The following PATJ variants were observed in gnomAD, a reference collection of about 807,000 sequenced individuals.
The protein encoded by PATJ is PATJ crumbs cell polarity complex component, also known as inaD-like protein.
Under a neutral mutation model 224.9 loss-of-function variants are expected in PATJ, and 190 were observed. The observed-to-expected ratio is 0.84, with a 90% CI of 0.75 to 0.95. The LOEUF is 0.95. Among genes scored for constraint, PATJ ranks in the 40% least tolerant of loss-of-function variants. The probability of loss-of-function intolerance (pLI) is 0.00; values close to 1 mark genes in which losing one functional copy is unlikely to be tolerated. For missense variants in PATJ, 2,121 were observed against 2,270.3 expected (o/e 0.93, Z 1.34); for synonymous variants, 769 against 820.3 (o/e 0.94, Z 1.07).
intron 17 of PATJ, among the ~76,000 whole-genome samples, chr1:61,836,175 A>G (rs1246015118): frequency 6.6e-6 from 1 of 152,198 alleles, no homozygotes; most frequent in Admixed American, 6.5e-5. Context: ...ATCTATAGTC[A>G]GTTCTAAATG....
intron 33 of PATJ, among the ~76,000 whole-genome samples, chr1:62,091,757 T>TA (rs951033849): frequency 2.7e-5 from 4 of 150,132 alleles, no homozygotes; most frequent in Non-Finnish European, 4.4e-5. Flanking sequence ...TCTCTTATTT[T>TA]AAAAAAAAAT....
At chr1:61,924,413 C>A (rs1300250655) in intron 26 of PATJ, among the ~76,000 whole-genome samples, 1 of 152,106 alleles carries the variant, frequency 6.6e-6, no homozygotes, top group Non-Finnish European at 1.5e-5. Context: ...TTCCTAAAAA[C>A]TCTTGGCTAT....
Position 61,775,347 on chromosome 1 carries a change from T to G in PATJ, c.849+13T>G. ...ATTAGCAGATCGAGTAAGTCAACCT[T>G]CCTTGTTATCATTTTGGTTTTATAA... On this transcript the variant is annotated intron_variant, in intron 7 of 43. Transcript: ENST00000642238. 4 of 1,594,544 alleles carry G rather than the reference T, an allele frequency of 2.5e-6. No individual in the cohort carries two copies. Among genetic ancestry groups the G allele is most frequent in the Non-Finnish European group, 3.4e-6 (4 of 1,174,268 alleles).
At chr1:61,755,795 A>G (rs1202631604) in intron 1 of PATJ, among the ~76,000 whole-genome samples, 2 of 152,144 alleles carry the variant, frequency 1.3e-5, no homozygotes, top group African/African-American at 4.8e-5. Context: ...ATACAAAATA[A>G]GGCCACGTGT....
At chr1:62,027,048 ACCATCATCACCAT>A (rs1394324165) in intron 29 of PATJ, among the ~76,000 whole-genome samples, 1 of 152,202 alleles carries the variant, frequency 6.6e-6, no homozygotes, top group Non-Finnish European at 1.5e-5. Flanking sequence ...CTGTTGGGCA[ACCATCATCACCAT>A]CCATCTCCAG....
chr1:62,052,657 G>T (rs12750860), intron 31 of PATJ, among the ~76,000 whole-genome samples: 1 of 151,492 alleles, frequency 6.6e-6, no homozygotes, highest in East Asian at 1.9e-4. Context: ...CAGGAGAATC[G>T]CTTGAACCCA....
At chr1:62,103,475 G>A (rs926733943) in intron 33 of PATJ, among the ~76,000 whole-genome samples, 2 of 152,192 alleles carry the variant, frequency 1.3e-5, no homozygotes, top group African/African-American at 2.4e-5. Context: ...TTACCTGGCC[G>A]GGTGCAATGG....
intron 17 of PATJ, among the ~76,000 whole-genome samples, chr1:61,845,824 C>CTGCTCAGGGAGAA (rs1661853909): frequency 1.3e-5 from 2 of 152,332 alleles, no homozygotes; most frequent in East Asian, 3.9e-4. Context: ...CTTACAGTGT[C>CTGCTCAGGGAGAA]TGCTCAGGGA....
intron 27 of PATJ, among the ~76,000 whole-genome samples, chr1:61,938,428 G>A (rs892725316): frequency 6.6e-6 from 1 of 152,076 alleles, no homozygotes; most frequent in Non-Finnish European, 1.5e-5. Context: ...TATCTATCTG[G>A]TATTATGCTT....
At chr1:62,103,744 ACT>A (rs1193800237) in intron 33 of PATJ, among the ~76,000 whole-genome samples, 2 of 142,740 alleles carry the variant, frequency 1.4e-5, no homozygotes, top group Non-Finnish European at 1.5e-5. Flanking sequence ...AAAGAGTAAG[ACT>A]CTGTCTCAAC....
At chr1:61,798,098 G>A (rs531666323) in intron 11 of PATJ, among the ~76,000 whole-genome samples, 5 of 152,278 alleles carry the variant, frequency 3.3e-5, no homozygotes, top group East Asian at 1.9e-4. Context: ...GAGCCACTGC[G>A]CCCAGCCAGG....
At chr1:62,139,270 G>A (rs778088224) in intron 41 of PATJ, among the ~76,000 whole-genome samples, 8 of 151,674 alleles carry the variant, frequency 5.3e-5, no homozygotes, top group Non-Finnish European at 5.9e-5. Flanking sequence ...GCGTGGTGGC[G>A]GGCGCCTGTA....
chr1:62,051,472 G>T (rs949007404), intron 31 of PATJ, among the ~76,000 whole-genome samples: 7 of 151,944 alleles, frequency 4.6e-5, no homozygotes, highest in African/African-American at 1.7e-4. Flanking sequence ...GACTACAGGC[G>T]CACACCACCA....
rs1671565246 is a variant in PATJ at position 61,904,164 on chromosome 1, G to GT, written c.3381+2711dup. Among the ~76,000 whole-genome samples the GT allele has an allele frequency of 4.6e-5, 7 of 151,996 alleles. No individual in the cohort carries two copies. In the South Asian group the frequency reaches 1.2e-3, roughly 27 times the overall value. On this transcript the variant is annotated intron_variant, in intron 24 of 43. Transcript: ENST00000642238. ...TGTAAGCAACATCCAACTAAATTTT[G>GT]TTTTTTGAATCTAATCATCTAGAAA...
chr1:62,054,165 G>A (rs1429353603), intron 31 of PATJ, among the ~76,000 whole-genome samples: 1 of 151,766 alleles, frequency 6.6e-6, no homozygotes, highest in Non-Finnish European at 1.5e-5. Context: ...ACCAGCCTAG[G>A]CAACATTGTG....
chr1:61,742,796 G>A (rs1475278887), intron 1 of PATJ, among the ~76,000 whole-genome samples: 3 of 150,164 alleles, frequency 2.0e-5, no homozygotes, highest in Admixed American at 6.6e-5. Context: ...CCCGGGAGGC[G>A]GGGCGGGGGC....
intron 26 of PATJ, among the ~76,000 whole-genome samples, chr1:61,925,952 T>C (rs1228978563): frequency 6.6e-6 from 1 of 152,242 alleles, no homozygotes; most frequent in Non-Finnish European, 1.5e-5. Context: ...TAAAATCATT[T>C]GCATCTCTAC....
chr1:61,900,009 T>C (rs1670899977), intron 23 of PATJ, among the ~76,000 whole-genome samples: 1 of 152,228 alleles, frequency 6.6e-6, no homozygotes, highest in Non-Finnish European at 1.5e-5. Flanking sequence ...TTGAAGTTTC[T>C]AGTATATATC....
chr1:62,057,300 C>G (rs1236445726), intron 31 of PATJ, among the ~76,000 whole-genome samples: 4 of 152,150 alleles, frequency 2.6e-5, no homozygotes, highest in Non-Finnish European at 5.9e-5. Context: ...TTTTAGGCAA[C>G]CTTAGAGCCT....
Sources: gnomAD v4.1 joint callset for allele counts (sites outside exome capture counted in the v4.1 genomes callset) on GRCh38, gnomAD v4.1.1 for gene constraint, MANE v1.5 for transcripts, NCBI Gene and HGNC (gene_info 2026-07-23, HGNC 2026-07-21) for gene names.